Variants in SPECC1 observed in about 807,000 individuals in gnomAD.
The protein encoded by SPECC1 is cytospin-B.
SPECC1 carries 62 observed loss-of-function variants against 104.1 expected under a neutral mutation model. The ratio of observed to expected loss-of-function variants is 0.60; its 90% CI spans 0.49 to 0.74. SPECC1 has a LOEUF of 0.74. Ranked by LOEUF, SPECC1 falls within the 30% of genes least tolerant of loss-of-function variation. The pLI, the probability that SPECC1 is intolerant of heterozygous loss-of-function variation, is 0.00. For synonymous variants in SPECC1, 513 were observed against 501.6 expected, an observed-to-expected ratio of 1.02 and a Z score of -0.30; for missense variants, 1,306 against 1,310.5, an observed-to-expected ratio of 1.00 and a Z score of 0.05.
Position 20,054,090 on chromosome 17 carries a change from A to T in SPECC1, c.-21-42541A>T, listed in dbSNP as rs941372996. Among the ~76,000 whole-genome samples, 33 of 152,312 alleles carry T rather than the reference A, an allele frequency of 2.2e-4. 1 individual carries two copies. ...TCACTCTGTCAGTTTATTATTTATCATCTAGACTGTTTCAGTTGCCTCTTA... is the reference window on the plus strand; with the variant it reads ...TCACTCTGTCAGTTTATTATTTATCTTCTAGACTGTTTCAGTTGCCTCTTA... On this transcript the variant is annotated intron_variant, in intron 1 of 14. Transcript: ENST00000395527.
intron 3 of SPECC1, among the ~76,000 whole-genome samples, chr17:20,196,054 ATC>A (rs2036013136): frequency 6.6e-6 from 1 of 152,214 alleles, no homozygotes; most frequent in Non-Finnish European, 1.5e-5. Flanking sequence ...CACACACAGA[ATC>A]TCTTTTACAA....
chr17:20,301,589 A>G (rs2041585582), intron 13 of SPECC1, among the ~76,000 whole-genome samples: 1 of 152,174 alleles, frequency 6.6e-6, no homozygotes, highest in African/African-American at 2.4e-5. Flanking sequence ...TATGTCTGAC[A>G]TTGGTATTAA....
intron 12 of SPECC1, among the ~76,000 whole-genome samples, chr17:20,271,555 C>CA (rs767268445): frequency 1.1e-3 from 164 of 152,170 alleles, no homozygotes; most frequent in Middle Eastern, 6.8e-3. Flanking sequence ...AAATGATACT[C>CA]ATTCAACCGC....
At chr17:20,186,988 G>A (rs898307065) in intron 3 of SPECC1, among the ~76,000 whole-genome samples, 1 of 152,106 alleles carries the variant, frequency 6.6e-6, no homozygotes, top group Non-Finnish European at 1.5e-5. Context: ...TAATTATACA[G>A]GTTTGAGTAT....
intron 3 of SPECC1, among the ~76,000 whole-genome samples, chr17:20,178,852 C>T (rs79484976): frequency 2.0e-5 from 3 of 152,176 alleles, no homozygotes; most frequent in African/African-American, 7.2e-5. Context: ...TGAAAGGACT[C>T]ATGGAATTCT....
chr17:20,061,092 G>A (rs2046168798), intron 1 of SPECC1, among the ~76,000 whole-genome samples: 1 of 152,122 alleles, frequency 6.6e-6, no homozygotes, highest in East Asian at 1.9e-4. Flanking sequence ...TTCTTTTTGA[G>A]ACAGAGTCTC....
chr17:20,055,076 A>C (rs2045910718), intron 1 of SPECC1, among the ~76,000 whole-genome samples: 1 of 152,176 alleles, frequency 6.6e-6, no homozygotes, highest in Non-Finnish European at 1.5e-5. Flanking sequence ...TTCGTTGATT[A>C]GTAACTCCTC....
chr17:20,053,524 G>GT (rs909753994), intron 1 of SPECC1, among the ~76,000 whole-genome samples: 27 of 152,188 alleles, frequency 1.8e-4, no homozygotes, highest in African/African-American at 6.0e-4. Flanking sequence ...GGTCCATAGT[G>GT]TTAGGAGTAG....
chr17:20,223,458 G>A (rs2038014862), intron 4 of SPECC1, among the ~76,000 whole-genome samples: 1 of 151,930 alleles, frequency 6.6e-6, no homozygotes, highest in Non-Finnish European at 1.5e-5. Flanking sequence ...GGCAGATCAC[G>A]AGGTCAGGAG....
chr17:20,051,074 TTCTTTCTTTCTTTCTTTCTTTCTTTC>T (rs2045732938), intron 1 of SPECC1, among the ~76,000 whole-genome samples: 21 of 64,286 alleles, frequency 3.3e-4, no homozygotes, highest in Non-Finnish European at 2.1e-4. Flanking sequence ...TTCTTTTTCT[TTCTTTCTTTCTTTCTTTCTTTCTTTC>T]TTTCTTTCTT....
rs543310795 is a variant in SPECC1 at position 20,261,359 on chromosome 17, G to A, written c.2940+1065G>A. On this transcript the variant is annotated intron_variant, in intron 12 of 14. Coordinates refer to ENST00000395527, the MANE Select transcript of SPECC1 (RefSeq NM_001243439.2). Reference sequence around the variant, plus strand: ...CTACTAAAAATACAAAAAATTAGCCGGGCGTGGTGGCGGGCGCCTGTAGTC... The same window carrying A: ...CTACTAAAAATACAAAAAATTAGCCAGGCGTGGTGGCGGGCGCCTGTAGTC... Among the ~76,000 whole-genome samples the A allele has an allele frequency of 8.6e-5, 13 of 152,002 alleles. No homozygotes were observed. In the East Asian group the frequency reaches 1.6e-3, roughly 18 times the overall value.
At chr17:20,139,416 AG>A (rs2030467381) in intron 3 of SPECC1, among the ~76,000 whole-genome samples, 1 of 152,196 alleles carries the variant, frequency 6.6e-6, no homozygotes, top group African/African-American at 2.4e-5. Flanking sequence ...TCTGGGTGCT[AG>A]GGATGCAGCA....
At chr17:20,012,930 A>G (rs1321190951) in intron 1 of SPECC1, among the ~76,000 whole-genome samples, 1 of 152,188 alleles carries the variant, frequency 6.6e-6, no homozygotes, top group Non-Finnish European at 1.5e-5. Flanking sequence ...TTGCATGAGT[A>G]TCTAATATAG....
At chr17:20,151,121 C>CTGAATTTCAATTACATTGAA (rs2031967003) in intron 3 of SPECC1, among the ~76,000 whole-genome samples, 1 of 152,152 alleles carries the variant, frequency 6.6e-6, no homozygotes, top group African/African-American at 2.4e-5. Context: ...TGAAATTACA[C>CTGAATTTCAATTACATTGAA]ATTATAGAAA....
chr17:20,058,635 G>A (rs761193376), intron 1 of SPECC1, among the ~76,000 whole-genome samples: 1 of 151,852 alleles, frequency 6.6e-6, no homozygotes, highest in African/African-American at 2.4e-5. Flanking sequence ...CTCCAGCCTG[G>A]GCAACAAAGT....
intron 3 of SPECC1, among the ~76,000 whole-genome samples, chr17:20,194,675 T>C (rs1252013843): frequency 6.6e-6 from 1 of 151,612 alleles, no homozygotes. Flanking sequence ...CTAGCTACTT[T>C]TTTGTATTTT....
At chr17:20,166,938 T>C (rs1338058776) in intron 3 of SPECC1, among the ~76,000 whole-genome samples, 1 of 151,952 alleles carries the variant, frequency 6.6e-6, no homozygotes, top group South Asian at 2.1e-4. Flanking sequence ...TGAGACACCA[T>C]CTGTACAAAA....
intron 4 of SPECC1, among the ~76,000 whole-genome samples, chr17:20,221,488 G>A (rs371170358): frequency 3.1e-4 from 47 of 152,024 alleles, no homozygotes; most frequent in Middle Eastern, 6.8e-3. Context: ...TTTGAATTTC[G>A]GTAGTATTGG....
rs144082371 is a variant in SPECC1, at chr17:20,282,122, A to T, written c.2941-14839A>T. 6.3e-3 allele frequency among the ~76,000 whole-genome samples: 966 copies of T among 152,386 alleles called. 10 individuals carry two copies. Among genetic ancestry groups the T allele is most frequent in the African/African-American group, 0.022 (918 of 41,606 alleles). ...GACCCTGTGTCACAATGCCAAAGCC[A>T]GTTAACCTCGGGGAAGAAACGCCGT... On this transcript the variant is annotated intron_variant, in intron 12 of 14. Transcript: ENST00000395527.
Sources: allele counts gnomAD v4.1 joint callset (sites outside exome capture counted in the v4.1 genomes callset), GRCh38; gene constraint gnomAD v4.1.1; transcripts MANE v1.5; gene names NCBI Gene and HGNC (gene_info 2026-07-23, HGNC 2026-07-21).